MATR3: variants seen among roughly 807,000 people sequenced by gnomAD.
MATR3 encodes the protein matrin 3, also known as matrin-3.
A neutral mutation model predicts 85.5 loss-of-function variants in MATR3; 4 were observed. That is an observed-to-expected ratio of 0.05 (90% CI 0.02 to 0.11). The LOEUF (loss-of-function observed/expected upper bound fraction) is 0.11. MATR3 is among the 10% of genes least tolerant of loss of function. MATR3 has a pLI of 1.00. For synonymous variants in MATR3, 336 were observed against 343.1 expected (o/e 0.98, Z 0.23); for missense variants, 685 against 1,016.1 (o/e 0.67, Z 4.43).
At chr5:139,277,847 G>C (rs1046464667) in intron 2 of MATR3, among the ~76,000 whole-genome samples, 1 of 150,778 alleles carries the variant, frequency 6.6e-6, no homozygotes, top group African/African-American at 2.4e-5. Flanking sequence ...TTACATTGTG[G>C]AATGAGTAAA....
chr5:139,275,929 G>C (rs1344204395), intron 1 of MATR3, among the ~76,000 whole-genome samples: 15 of 152,192 alleles, frequency 9.9e-5, no homozygotes, highest in Non-Finnish European at 8.8e-5. Context: ...CGACTCTTTT[G>C]CTACTATTGA....
rs1753748402 is a variant in MATR3, at chr5:139,287,691, T to G, written c.-178+8562T>G. Among the ~76,000 whole-genome samples the G allele has an allele frequency of 1.1e-4, 16 of 152,076 alleles. 1 individual carries two copies. Among genetic ancestry groups the G allele is most frequent in the Admixed American group, 1.0e-3 (16 of 15,254 alleles). On this transcript the variant is annotated intron_variant, in intron 3 of 16. Coordinates refer to ENST00000509990, the Ensembl canonical transcript of MATR3. Reference sequence around the variant, plus strand: ...GACCTTTCAAAGTCTCACCAGCAATTCTTGCTTTGAAAGGCCCCATTCTTT... The same window carrying G: ...GACCTTTCAAAGTCTCACCAGCAATGCTTGCTTTGAAAGGCCCCATTCTTT...
intron 3 of MATR3, among the ~76,000 whole-genome samples, chr5:139,284,875 T>C (rs1411276908): frequency 1.3e-5 from 2 of 152,232 alleles, no homozygotes; most frequent in Non-Finnish European, 2.9e-5. Flanking sequence ...TCTGGGGTTC[T>C]ATAAAAAATA....
At chr5:139,311,840 T>C (rs1336066902) in intron 2 of MATR3, 1 of 139,110 alleles carries the variant, frequency 7.2e-6, no homozygotes, top group Non-Finnish European at 1.5e-5. Context: ...TGATCTTGGC[T>C]CACTGCATCC....
chr5:139,316,553 T>C (rs946830153), intron 5 of MATR3, among the ~76,000 whole-genome samples: 1 of 152,038 alleles, frequency 6.6e-6, no homozygotes, highest in Non-Finnish European at 1.5e-5. Flanking sequence ...CCGCAAATTT[T>C]ACTTATTTAT....
intron 13 of MATR3, 108 bp from the exon 14 acceptor site, chr5:139,326,055 A>G: frequency 1.9e-6 from 2 of 1,040,422 alleles, no homozygotes; most frequent in Non-Finnish European, 2.9e-6. Flanking sequence ...GCTGTATTGG[A>G]CTTCTCAAAA....
intron 1 of MATR3, among the ~76,000 whole-genome samples, chr5:139,303,361 A>G (rs1358204340): frequency 6.7e-6 from 1 of 150,330 alleles, no homozygotes; most frequent in East Asian, 1.9e-4. Flanking sequence ...CGGCTTCCCA[A>G]AGTGCAGGGA....
intron 3 of MATR3, among the ~76,000 whole-genome samples, chr5:139,286,955 CTTTTATTTTG>C (rs1249160363): frequency 3.9e-5 from 6 of 152,150 alleles, no homozygotes; most frequent in East Asian, 1.9e-4. Flanking sequence ...GAGCAGAGAC[CTTTTATTTTG>C]TTTTATTTTG....
At chr5:139,282,266 TG>T (rs1367614587) in intron 3 of MATR3, among the ~76,000 whole-genome samples, 3 of 152,236 alleles carry the variant, frequency 2.0e-5, no homozygotes, top group Non-Finnish European at 2.9e-5. Context: ...ACAAATTAAC[TG>T]TAATAACTTA....
chr5:139,313,861 C>T (rs1240959007), intron 2 of MATR3: 1 of 152,136 alleles, frequency 6.6e-6, no homozygotes, highest in Non-Finnish European at 1.5e-5. Context: ...AGGTAGTAAA[C>T]CTGGAACATC....
chr5:139,331,116 A>G lies in MATR3; in HGVS notation c.*1721A>G, dbSNP rs1006570407. The G allele has an allele frequency of 1.1e-5, 5 of 453,980 alleles. No homozygotes were observed. The highest frequency in any genetic ancestry group is 1.8e-5 in the Non-Finnish European group (4 of 226,790). 28.1% of individuals were successfully genotyped at this position (453,980 alleles called of 1,614,324 possible). A position where few individuals can be genotyped will look rare whatever the true frequency, so the allele number is the denominator to read the frequency against. On this transcript the variant is annotated 3_prime_UTR_variant, in exon 15 of 15. Coordinates refer to ENST00000394805, the MANE Select transcript of MATR3 (RefSeq NM_018834.6). The stretch of plus-strand genomic sequence containing the variant: ...AAGAAACAAAGTTTTAATTTCAAAA[A>G]AATCTACAAAAACAGGATAGGCATT...
Position 139,326,249 on chromosome 5 carries a change from C to T in MATR3, c.2458C>T (p.His820Tyr). 1 of 1,613,540 alleles carries T rather than the reference C, an allele frequency of 6.2e-7. No individual in the cohort carries two copies. Residue 820 changes from histidine to tyrosine, a missense_variant, in exon 14 of 15, where the codon CAT becomes TAT. Transcript: ENST00000394805. ...AAATGAAGAAGTTGCAAAGAATACTCATTGCAGCAGCCTTCCTCATTATCA... is the reference window on the plus strand; with the variant it reads ...AAATGAAGAAGTTGCAAAGAATACTTATTGCAGCAGCCTTCCTCATTATCA... ...YTNEEVAKNT[H>Y]CSSLPHYQKL...
At chr5:139,303,708 A>G (rs1037740974) in intron 1 of MATR3, among the ~76,000 whole-genome samples, 5 of 151,180 alleles carry the variant, frequency 3.3e-5, no homozygotes, top group African/African-American at 1.2e-4. Flanking sequence ...GTGTGATGCC[A>G]TTCCACTCCA....
rs1756118232 is a variant in MATR3 at position 139,331,019 on chromosome 5, G to T, written c.*1624G>T. ...TTGCCCAGGTTGATCTTGAATTCCT[G>T]GGCCCAAGTGATCTGCTCGCTTCAG... On this transcript the variant is annotated 3_prime_UTR_variant, in exon 15 of 15. Coordinates refer to ENST00000394805, the MANE Select transcript of MATR3 (RefSeq NM_018834.6). 2.2e-6 allele frequency: 1 copy of T among 453,912 alleles called. No individual in the cohort carries two copies. The highest frequency in any genetic ancestry group is 2.0e-5 in the African/African-American group (1 of 49,978). The allele number at this position is 453,912 out of a possible 1,614,324, so 28.1% of individuals were successfully genotyped here.
At chr5:139,295,329 TAAAC>T (rs930321606) in intron 1 of MATR3, among the ~76,000 whole-genome samples, 21 of 152,346 alleles carry the variant, frequency 1.4e-4, no homozygotes, top group Admixed American at 1.2e-3. Context: ...AACTCGAAAT[TAAAC>T]AACATTAAAA....
At chr5:139,324,607 T>G (rs1034385412) in intron 12 of MATR3, among the ~76,000 whole-genome samples, 1 of 152,158 alleles carries the variant, frequency 6.6e-6, no homozygotes, top group Non-Finnish European at 1.5e-5. Flanking sequence ...AGCTTGGTTT[T>G]TTAGCCATTA....
chr5:139,300,450 A>G (rs2151941453), intron 1 of MATR3, among the ~76,000 whole-genome samples: 1 of 152,302 alleles, frequency 6.6e-6, no homozygotes, highest in Non-Finnish European at 1.5e-5. Context: ...TGATACATGA[A>G]AGAGACTACG....
chr5:139,321,581 G>A (rs192299210), intron 9 of MATR3, among the ~76,000 whole-genome samples: 2 of 152,232 alleles, frequency 1.3e-5, no homozygotes, highest in Admixed American at 1.3e-4. Flanking sequence ...CCAGGAGCCC[G>A]AGACCAGTCT....
At chr5:139,317,180 T>G (rs1464683190) in intron 6 of MATR3, 75 bp downstream of exon 6, 4 of 1,377,850 alleles carry the variant, frequency 2.9e-6, no homozygotes, top group Non-Finnish European at 4.1e-6. Context: ...CCTTACTAGT[T>G]GAGTATGTAT....
Sources: gnomAD v4.1 joint callset for allele counts (sites outside exome capture counted in the v4.1 genomes callset) on GRCh38, gnomAD v4.1.1 for gene constraint, MANE v1.5 for transcripts, NCBI Gene and HGNC (gene_info 2026-07-23, HGNC 2026-07-21) for gene names.